Variants in MYSM1 observed in about 807,000 individuals in gnomAD.
MYSM1 encodes deubiquitinase MYSM1.
A neutral mutation model predicts 116.0 loss-of-function variants in MYSM1; 51 were observed. That is an observed-to-expected ratio of 0.44 (90% CI 0.35 to 0.56). The LOEUF is 0.56. MYSM1 is among the 20% of genes least tolerant of loss of function. The pLI is 0.00. For missense variants in MYSM1, 900 were observed against 974.9 expected, an observed-to-expected ratio of 0.92 and a Z score of 1.02; for synonymous variants, 313 against 315.2, an observed-to-expected ratio of 0.99 and a Z score of 0.07.
At position 58,694,965 on chromosome 1, in the gene MYSM1, G is replaced by A. The variant is rs111382255; in HGVS notation, c.147+164C>T. Reference sequence around the variant, plus strand: ...CATTTTTCAATGTCAAAAGAAAGAGGTTTCTATTTTTAAAGTAAAAAAAAA... The same window carrying A: ...CATTTTTCAATGTCAAAAGAAAGAGATTTCTATTTTTAAAGTAAAAAAAAA... On this transcript the variant is annotated intron_variant, in intron 2 of 19. Coordinates refer to ENST00000472487, the MANE Select transcript of MYSM1 (RefSeq NM_001085487.3). Among the ~76,000 whole-genome samples the A allele has an allele frequency of 1.3e-3, 200 of 151,432 alleles. 2 individuals are homozygous for A. The South Asian group carries it at 0.016, about 12-fold the overall frequency.
intron 1 of MYSM1, among the ~76,000 whole-genome samples, chr1:58,698,666 A>G (rs1361228560): frequency 6.6e-6 from 1 of 152,242 alleles, no homozygotes; most frequent in Non-Finnish European, 1.5e-5. Flanking sequence ...TAGACTGCAG[A>G]TAAGTATCCC....
At position 58,661,187 on chromosome 1, in the gene MYSM1, G is replaced by A. The variant is rs369909873; in HGVS notation, c.2311C>T (p.Leu771=). ...MDKIFRRDSD[L]TCLQKLLECM... ...CAGCTTACTTTCTGCAAACAAGTCA[G>A]GTCAGAATCCCGGCGAAAGATTTTA... The change falls in exon 19 of 20, where the codon CTG becomes TTG. Residue 771 remains leucine, a synonymous_variant. Transcript: ENST00000472487. 114 of 1,612,970 alleles carry A rather than the reference G, an allele frequency of 7.1e-5. No individual in the cohort carries two copies. Among genetic ancestry groups the A allele is most frequent in the Admixed American group, 1.7e-4 (10 of 59,940 alleles).
At position 58,658,394 on chromosome 1, in the gene MYSM1, A is replaced by G. The variant is rs1026530452; in HGVS notation, c.*1603T>C. 2.0e-5 allele frequency: 3 copies of G among 152,152 alleles called. No individual in the cohort carries two copies. Among genetic ancestry groups the G allele is most frequent in the Non-Finnish European group, 2.9e-5 (2 of 68,034 alleles). The allele number at this position is 152,152 out of a possible 1,614,324, so 9.4% of individuals were successfully genotyped here. A position where few individuals can be genotyped will look rare whatever the true frequency, so the allele number is the denominator to read the frequency against. On this transcript the variant is annotated 3_prime_UTR_variant, in exon 20 of 20. Coordinates refer to ENST00000472487, the MANE Select transcript of MYSM1 (RefSeq NM_001085487.3). ...ATTAACTCAAAATATAAACTTCACA[A>G]GAGTAGTCCAACGATTAGAATGAAC...
Position 58,660,078 on chromosome 1 carries a change from T to A in MYSM1, c.2406A>T (p.Glu802Asp), listed in dbSNP as rs1644369266. Residue 802 changes from glutamate (E) to aspartate (D), a missense_variant, in exon 20 of 20, where the codon GAA becomes GAT. Physicochemically the swap from Glu to Asp is conservative, Grantham distance 45. Around this residue, in one of 3 missense-constraint regions of MYSM1, gnomAD observed 186 missense variants for 196.2 expected, o/e 0.95. Coordinates refer to ENST00000472487, the MANE Select transcript of MYSM1 (RefSeq NM_001085487.3). ...FMAEEFLTEI[E>D]NLFLSNYKSN... ...TTTTATAATTGGAAAGGAACAAATT[T>A]TCTATTTCAGTCAAGAATTCTTCAG... is the stretch of plus-strand genomic sequence containing the variant. 6.2e-7 allele frequency: 1 copy of A among 1,611,162 alleles called. No homozygotes were observed. Among genetic ancestry groups the A allele is most frequent in the Non-Finnish European group, 8.5e-7 (1 of 1,178,310 alleles).
rs1644754040 is a variant in MYSM1 at position 58,682,083 on chromosome 1, T to C, written c.961A>G (p.Lys321Glu). 1.9e-6 allele frequency: 3 copies of C among 1,614,094 alleles called. No individual in the cohort carries two copies. In the South Asian group the frequency reaches 3.3e-5, roughly 18 times the overall value. Residue 321 changes from lysine (K) to glutamate (E), a missense_variant, in exon 8 of 20, where the codon AAA (lysine) becomes GAA (glutamate). Around this residue, in one of 3 missense-constraint regions of MYSM1, gnomAD observed 622 missense variants for 623.7 expected, o/e 1.00. Transcript: ENST00000472487. Reference sequence around the variant, plus strand: ...CTTCCATCATGCTTGTTGCAGTTTTTAATCAATTCATTAAATTTCTGGTCA... The same window carrying C: ...CTTCCATCATGCTTGTTGCAGTTTTCAATCAATTCATTAAATTTCTGGTCA... Reference protein sequence around the residue: ...LNDQKFNELIKNCNKHDGRGI... With the variant: ...LNDQKFNELIENCNKHDGRGI...
chr1:58,673,615 T>TC lies in MYSM1; in HGVS notation c.1529dup (p.Asn511LysfsTer4). On this transcript the variant is annotated frameshift_variant, in exon 11 of 20. Coordinates refer to ENST00000472487, the MANE Select transcript of MYSM1 (RefSeq NM_001085487.3). LOFTEE classifies it high-confidence loss of function. ...CTAAGTCCTTTGCATCACACCAGTT[T>TC]CCCCATGGGTCTCGGACCCTACGTC... 6.2e-7 allele frequency: 1 copy of TC among 1,614,102 alleles called. No homozygotes were observed. Among genetic ancestry groups the TC allele is most frequent in the African/African-American group, 1.3e-5 (1 of 75,044 alleles).
chr1:58,662,613 TAC>T (rs1199784295), intron 17 of MYSM1, among the ~76,000 whole-genome samples: 4 of 151,540 alleles, frequency 2.6e-5, no homozygotes, highest in Non-Finnish European at 5.9e-5. Flanking sequence ...ACTGGGTTTC[TAC>T]CATGGTAAGG....
chr1:58,667,220 C>A lies in MYSM1; in HGVS notation c.1849G>T (p.Ala617Ser). ...SEVDKVVEVC[A>S]AEPCNSLSTG... ...CTCAGACTGTTACATGGTTCTGCTG[C>A]ACAGACCTATAAACGATTGATCCTC... The change falls in exon 16 of 20, where the codon GCA becomes TCA. Residue 617 changes from alanine (A) to serine (S), a missense_variant. Ala to Ser is a moderately conservative substitution (Grantham distance 99, BLOSUM62 1). This residue lies in a region of MYSM1 where 92 missense variants were observed against 155.0 expected (regional missense o/e 0.59). Transcript: ENST00000472487. 6.4e-7 allele frequency: 1 copy of A among 1,566,136 alleles called. No individual in the cohort carries two copies. Among genetic ancestry groups the A allele is most frequent in the South Asian group, 1.2e-5 (1 of 82,778 alleles).
At chr1:58,665,433 T>C in intron 17 of MYSM1, 66 bp downstream of exon 17, 2 of 1,227,336 alleles carry the variant, frequency 1.6e-6, no homozygotes, top group Non-Finnish European at 2.3e-6. Context: ...TGCAAATCTT[T>C]TGATTTGTAT....
At position 58,685,204 on chromosome 1, in the gene MYSM1, G is replaced by T. The variant is rs949357484; in HGVS notation, c.447C>A (p.Ser149Arg). Reference protein sequence around the residue: ...RWTKISKLIGSRTVLQVKSYA... With the variant: ...RWTKISKLIGRRTVLQVKSYA... ...AACTCTTCACTTGTAAAACAGTGCG[G>T]CTTCCAATTAGCTTTGAAATTTTGG... Residue 149 changes from serine to arginine, a missense_variant, in exon 7 of 20, where the codon AGC becomes AGA. Ser to Arg is a moderately radical substitution (Grantham distance 110). Transcript: ENST00000472487. 2 of 1,607,654 alleles carry T rather than the reference G, an allele frequency of 1.2e-6. No homozygotes were observed. The highest frequency in any genetic ancestry group is 2.7e-5 in the African/African-American group (2 of 74,424).
intron 8 of MYSM1, 106 bp downstream of exon 8, chr1:58,681,679 T>G: frequency 9.0e-7 from 1 of 1,111,364 alleles, no homozygotes; most frequent in Middle Eastern, 3.0e-4. Flanking sequence ...CCTACTGTAG[T>G]GATCTCTAGA....
At chr1:58,695,075 C>A in intron 2 of MYSM1, 54 bp downstream of exon 2, 1 of 1,046,696 alleles carries the variant, frequency 9.6e-7, no homozygotes, top group East Asian at 2.4e-5. Flanking sequence ...AGAAGAAGCA[C>A]TCTAGGCAAT....
rs1384091290 is a variant in MYSM1, at chr1:58,698,096, ATATATATT to A, written c.68+1881_68+1888del. 7.4e-5 allele frequency among the ~76,000 whole-genome samples: 2 copies of A among 27,038 alleles called. 1 individual carries two copies. The highest frequency in any genetic ancestry group is 2.9e-4 in the African/African-American group (2 of 6,914). 17.7% of individuals were successfully genotyped at this position (27,038 alleles called of 152,430 possible). A position where few individuals can be genotyped will look rare whatever the true frequency, so the allele number is the denominator to read the frequency against. On this transcript the variant is annotated intron_variant, in intron 1 of 19. Transcript: ENST00000472487. The stretch of plus-strand genomic sequence containing the variant: ...ACTATTTATCAGACTATATATATAT[ATATATATT>A]TTTTTTTTTTTTTTGAGACAGAGTC...
chr1:58,695,959 T>G (rs1644968071), intron 1 of MYSM1, among the ~76,000 whole-genome samples: 2 of 152,182 alleles, frequency 1.3e-5, no homozygotes, highest in Non-Finnish European at 1.5e-5. Flanking sequence ...GTTATTGACT[T>G]TTTCTAGACC....
At chr1:58,670,179 A>G (rs1644539358) in intron 12 of MYSM1, among the ~76,000 whole-genome samples, 1 of 152,222 alleles carries the variant, frequency 6.6e-6, no homozygotes, top group African/African-American at 2.4e-5. Context: ...ACACATTCAA[A>G]GATACTTGTT....
At chr1:58,698,543 A>T (rs1645016323) in intron 1 of MYSM1, among the ~76,000 whole-genome samples, 1 of 125,272 alleles carries the variant, frequency 8.0e-6, no homozygotes, top group Non-Finnish European at 1.8e-5. Context: ...AGGAAGAAAG[A>T]GAAAAGGGGA....
chr1:58,667,511 A>G (rs1644492196), intron 15 of MYSM1, among the ~76,000 whole-genome samples: 1 of 152,190 alleles, frequency 6.6e-6, no homozygotes, highest in South Asian at 2.1e-4. Context: ...GACTCCTGTT[A>G]CTTATGACAA....
chr1:58,679,889 G>A (rs1389570919), intron 8 of MYSM1, among the ~76,000 whole-genome samples: 9 of 152,038 alleles, frequency 5.9e-5, no homozygotes, highest in African/African-American at 1.7e-4. Flanking sequence ...TTAGCCGGGC[G>A]TGGTGGCACG....
At chr1:58,663,387 T>C (rs932917745) in intron 17 of MYSM1, among the ~76,000 whole-genome samples, 3 of 152,172 alleles carry the variant, frequency 2.0e-5, no homozygotes, top group Non-Finnish European at 2.9e-5. Flanking sequence ...TCACTAAATA[T>C]ATTTCCTGCC....
Sources: gnomAD v4.1 joint callset for allele counts (sites outside exome capture counted in the v4.1 genomes callset) on GRCh38, gnomAD v4.1.1 for gene constraint, gnomAD v4.1.1 regional missense constraint, MANE v1.5 for transcripts, NCBI Gene and HGNC (gene_info 2026-07-23, HGNC 2026-07-21) for gene names.